The following SHANK2 variants were observed in gnomAD, a reference collection of about 807,000 sequenced individuals.
SHANK2 encodes the protein SH3 and multiple ankyrin repeat domains protein 2.
A neutral mutation model predicts 133.7 loss-of-function variants in SHANK2; 43 were observed. That is an observed-to-expected ratio of 0.32 (90% CI 0.25 to 0.41). SHANK2 has a LOEUF of 0.41. Among genes scored for constraint, SHANK2 ranks in the 10% least tolerant of loss-of-function variants. The probability of loss-of-function intolerance (pLI) is 1.00; values close to 1 mark genes in which losing one functional copy is unlikely to be tolerated. For missense variants in SHANK2, 1,994 were observed against 2,235.8 expected (o/e 0.89, Z 2.18); for synonymous variants, 1,017 against 952.8 (o/e 1.07, Z -1.24).
At chr11:70,900,537 A>C (rs540967077) in intron 10 of SHANK2, among the ~76,000 whole-genome samples, 1 of 152,152 alleles carries the variant, frequency 6.6e-6, no homozygotes, top group African/African-American at 2.4e-5. Flanking sequence ...AGCTGCTGAA[A>C]TAACACGTAC....
intron 8 of SHANK2, among the ~76,000 whole-genome samples, chr11:71,077,311 T>C (rs1188438876): frequency 2.0e-4 from 30 of 152,334 alleles, no homozygotes; most frequent in African/African-American, 6.7e-4. Context: ...TCCACACTCA[T>C]TATTCCCCTT....
chr11:70,709,061 A>C (rs1337147969), intron 14 of SHANK2, among the ~76,000 whole-genome samples: 1 of 152,154 alleles, frequency 6.6e-6, no homozygotes. Context: ...AAATACACAA[A>C]TTAGCTGGGC....
intron 2 of SHANK2, among the ~76,000 whole-genome samples, chr11:71,150,759 A>C (rs1952781031): frequency 6.6e-6 from 1 of 151,232 alleles, no homozygotes; most frequent in Non-Finnish European, 1.5e-5. Context: ...TATCCTGGGG[A>C]CTCTCGGCTG....
At chr11:70,683,001 G>A (rs531033040) in intron 15 of SHANK2, among the ~76,000 whole-genome samples, 13 of 152,122 alleles carry the variant, frequency 8.5e-5, no homozygotes, top group Non-Finnish European at 4.4e-5. Flanking sequence ...GGACGTGGCC[G>A]AGAGGGTTGG....
chr11:71,146,636 A>C (rs1382014091), intron 3 of SHANK2, among the ~76,000 whole-genome samples: 3 of 152,142 alleles, frequency 2.0e-5, no homozygotes, highest in Non-Finnish European at 4.4e-5. Context: ...CGCGGGAAGG[A>C]GTGCTCAGGG....
chr11:70,720,106 G>A (rs1330179497), intron 14 of SHANK2, among the ~76,000 whole-genome samples: 1 of 152,174 alleles, frequency 6.6e-6, no homozygotes, highest in African/African-American at 2.4e-5. Flanking sequence ...CCATCGGACC[G>A]CTGGAACCAG....
At chr11:71,063,245 C>T (rs1951009410) in intron 9 of SHANK2, among the ~76,000 whole-genome samples, 1 of 152,220 alleles carries the variant, frequency 6.6e-6, no homozygotes, top group African/African-American at 2.4e-5. Flanking sequence ...TCCTCCACTA[C>T]CTCCAGTCAC....
In SHANK2 at chr11:70,945,579, GC is replaced by G. The variant is rs139391730; in HGVS notation, c.1108-49013del. Among the ~76,000 whole-genome samples the G allele has an allele frequency of 2.1e-3, 326 of 152,304 alleles. 4 individuals carry two copies. Among genetic ancestry groups the G allele is most frequent in the African/African-American group, 6.6e-3 (274 of 41,578 alleles). On this transcript the variant is annotated intron_variant, in intron 10 of 25. Coordinates refer to ENST00000601538, the MANE Select transcript of SHANK2 (RefSeq NM_012309.5). ...CACACAACGGAGCCCAGGGTTGTGT[GC>G]CTGCCAGGCCTTCAGCATCACTAAG...
chr11:71,201,553 GA>G lies in SHANK2; in HGVS notation c.-13+23143del, dbSNP rs1954020734. Among the ~76,000 whole-genome samples, 3 of 152,240 alleles carry G rather than the reference GA, an allele frequency of 2.0e-5. No homozygotes were observed. In the South Asian group the frequency reaches 6.2e-4, roughly 32 times the overall value. On this transcript the variant is annotated intron_variant, in intron 2 of 25. Transcript: ENST00000601538. ...ACCTGCACAGCAGGGGCTCGTGAGT[GA>G]GGGTCCCTATGAGCCGGTTCTCTTT... is the stretch of plus-strand genomic sequence containing the variant.
intron 17 of SHANK2, among the ~76,000 whole-genome samples, chr11:70,508,660 A>C (rs1343180559): frequency 3.3e-5 from 5 of 152,166 alleles, no homozygotes; most frequent in Non-Finnish European, 7.3e-5. Flanking sequence ...CGGGAGGTTG[A>C]GGTGGGTGGG....
At chr11:70,498,358 C>T (rs112077405) in intron 21 of SHANK2, among the ~76,000 whole-genome samples, 3 of 152,342 alleles carry the variant, frequency 2.0e-5, no homozygotes, top group African/African-American at 4.8e-5. Context: ...TCTTCCAAAG[C>T]GGCAGTGCAG....
At chr11:70,695,798 G>A (rs1215552265) in intron 15 of SHANK2, among the ~76,000 whole-genome samples, 8 of 152,210 alleles carry the variant, frequency 5.3e-5, no homozygotes, top group Non-Finnish European at 8.8e-5. Flanking sequence ...CGGGAGGAGT[G>A]GATAAGCAGG....
At position 70,751,645 on chromosome 11, in the gene SHANK2, G is replaced by T. The variant is rs554003132; in HGVS notation, c.1777+46798C>A. 3.9e-5 allele frequency among the ~76,000 whole-genome samples: 6 copies of T among 152,226 alleles called. No homozygotes were observed. The East Asian group carries it at 1.2e-3, about 29-fold the overall frequency. ...TCACTTCTTACATTCTTGAAAATAC[G>T]ATGGTTGAAGTAAAAATTATTATAT... On this transcript the variant is annotated intron_variant, in intron 14 of 25. Coordinates refer to ENST00000601538, the MANE Select transcript of SHANK2 (RefSeq NM_012309.5).
At chr11:71,100,866 C>CA (rs781807117) in intron 6 of SHANK2, among the ~76,000 whole-genome samples, 4,933 of 99,854 alleles carry the variant, frequency 0.049, 223 homozygotes, top group African/African-American at 0.12. Flanking sequence ...GACTCCGTCT[C>CA]AAAAAAAAAA....
At chr11:70,619,719 C>G (rs548085605) in intron 17 of SHANK2, among the ~76,000 whole-genome samples, 14 of 152,070 alleles carry the variant, frequency 9.2e-5, no homozygotes, top group African/African-American at 2.4e-4. Context: ...CTCAGGGCCC[C>G]TCTCTTCCCC....
intron 10 of SHANK2, among the ~76,000 whole-genome samples, chr11:70,900,455 G>A (rs930796977): frequency 5.3e-5 from 8 of 152,056 alleles, no homozygotes; most frequent in South Asian, 2.1e-4. Context: ...GTCACCCAGC[G>A]CCCCACAAAA....
At chr11:71,142,981 C>T (rs1952584653) in intron 3 of SHANK2, among the ~76,000 whole-genome samples, 1 of 152,210 alleles carries the variant, frequency 6.6e-6, no homozygotes, top group South Asian at 2.1e-4. Context: ...GGCCTGTAAT[C>T]CCAGCACTTT....
chr11:71,155,003 C>A (rs1305206373), intron 2 of SHANK2, among the ~76,000 whole-genome samples: 2 of 126,888 alleles, frequency 1.6e-5, no homozygotes, highest in African/African-American at 6.0e-5. Context: ...CCCCAGCCCA[C>A]GCTCCCAGAG....
chr11:70,867,242 G>C (rs577311355), intron 11 of SHANK2, among the ~76,000 whole-genome samples: 4 of 152,314 alleles, frequency 2.6e-5, no homozygotes, highest in African/African-American at 9.6e-5. Flanking sequence ...ATCCGGGTAG[G>C]GGTAGGTGGA....
Sources: gnomAD v4.1 joint callset for allele counts (sites outside exome capture counted in the v4.1 genomes callset) on GRCh38, gnomAD v4.1.1 for gene constraint, MANE v1.5 for transcripts, NCBI Gene and HGNC (gene_info 2026-07-23, HGNC 2026-07-21) for gene names.